Variants in HHEX observed in about 807,000 individuals in gnomAD.
HHEX encodes the protein hematopoietically-expressed homeobox protein HHEX.
Under a neutral mutation model 27.0 loss-of-function variants are expected in HHEX, and 8 were observed. The ratio of observed to expected loss-of-function variants is 0.30; its 90% CI spans 0.17 to 0.54. The LOEUF is 0.54. Ranked by LOEUF, HHEX falls within the 20% of genes least tolerant of loss-of-function variation. The probability of loss-of-function intolerance (pLI) is 0.95; values close to 1 mark genes in which losing one functional copy is unlikely to be tolerated. For synonymous variants in HHEX, 164 were observed against 161.5 expected (o/e 1.02, Z -0.12); for missense variants, 326 against 357.2 (o/e 0.91, Z 0.70).
intron 1 of HHEX, chr10:92,691,478 C>CT (rs1341566683): frequency 1.3e-5 from 2 of 152,230 alleles, no homozygotes; most frequent in Non-Finnish European, 2.9e-5. Context: ...AGCCCTTTAC[C>CT]TTACCTTCTC....
chr10:92,690,079 C>T lies in HHEX; in HGVS notation c.93C>T (p.Pro31=). Residue 31 remains proline (P), a synonymous_variant, in exon 1 of 4, where the codon CCC becomes CCT. Transcript: ENST00000282728. The part of the protein sequence containing the change: ...TPLLQPAHPT[P]FYIEDILGRG... Reference sequence around the variant, plus strand: ...TGCTGCAACCCGCACACCCGACGCCCTTTTACATCGAGGACATCCTGGGCC... The same window carrying T: ...TGCTGCAACCCGCACACCCGACGCCTTTTTACATCGAGGACATCCTGGGCC... 1.3e-6 allele frequency: 2 copies of T among 1,547,192 alleles called. No individual in the cohort carries two copies. The highest frequency in any genetic ancestry group is 1.7e-6 in the Non-Finnish European group (2 of 1,145,664).
intron 3 of HHEX, 70 bp downstream of exon 3, chr10:92,692,822 G>A (rs1845371221): frequency 7.8e-7 from 1 of 1,283,598 alleles, no homozygotes; most frequent in African/African-American, 1.5e-5. Context: ...AGGCTGTTAT[G>A]GGTTGTATGC....
chr10:92,690,660 C>T (rs1490731568), intron 1 of HHEX, among the ~76,000 whole-genome samples: 1 of 152,160 alleles, frequency 6.6e-6, no homozygotes, highest in Non-Finnish European at 1.5e-5. Flanking sequence ...GGGAAAGGGG[C>T]GTCGAGGCGC....
At chr10:92,692,084 CTT>C (rs1192704798) in intron 1 of HHEX, 2 of 276,950 alleles carry the variant, frequency 7.2e-6, no homozygotes, top group Non-Finnish European at 1.4e-5. Context: ...AGTGCCCATT[CTT>C]TTTGGGGTTA....
intron 1 of HHEX, chr10:92,691,608 G>A (rs971037083): frequency 7.9e-5 from 12 of 152,242 alleles, no homozygotes; most frequent in African/African-American, 2.7e-4. Flanking sequence ...CCTGGCTGTG[G>A]TCGCCTGTCG....
At chr10:92,693,857 C>T (rs1845379552) in intron 3 of HHEX, among the ~76,000 whole-genome samples, 1 of 152,126 alleles carries the variant, frequency 6.6e-6, no homozygotes, top group Non-Finnish European at 1.5e-5. Flanking sequence ...CTCTAGTTTA[C>T]CAGAGACCTT....
At chr10:92,691,004 C>G (rs1182837452) in intron 1 of HHEX, among the ~76,000 whole-genome samples, 1 of 152,192 alleles carries the variant, frequency 6.6e-6, no homozygotes, top group Non-Finnish European at 1.5e-5. Context: ...GACTTTATGG[C>G]AGCTAAAATA....
intron 3 of HHEX, among the ~76,000 whole-genome samples, chr10:92,693,716 T>G (rs1229908263): frequency 2.8e-5 from 3 of 106,772 alleles, no homozygotes; most frequent in Non-Finnish European, 6.1e-5. Flanking sequence ...TTGTTGAGAC[T>G]ATAAGGCTTG....
At chr10:92,690,802 A>T (rs1273168454) in intron 1 of HHEX, among the ~76,000 whole-genome samples, 1 of 152,176 alleles carries the variant, frequency 6.6e-6, no homozygotes, top group Non-Finnish European at 1.5e-5. Flanking sequence ...TGAGTTCTCG[A>T]TAGGAGTAAA....
Position 92,690,266 on chromosome 10 carries a change from G to T in HHEX, c.280G>T (p.Gly94Cys). The change falls in exon 1 of 4, where the codon GGC becomes TGC. Residue 94 changes from glycine (G) to cysteine (C), a missense_variant. Gly to Cys is a radical substitution (Grantham distance 159). Transcript: ENST00000282728. ...AAALAAAYGP[G>C]GFGGPLYPFP... Reference sequence around the variant, plus strand: ...CGCGCTGGCCGCTGCCTACGGACCCGGCGGCTTCGGGGGCCCTCTGTACCC... The same window carrying T: ...CGCGCTGGCCGCTGCCTACGGACCCTGCGGCTTCGGGGGCCCTCTGTACCC... 6.4e-7 allele frequency: 1 copy of T among 1,555,892 alleles called. No homozygotes were observed. The highest frequency in any genetic ancestry group is 8.7e-7 in the Non-Finnish European group (1 of 1,150,286).
chr10:92,690,396 T>C, intron 1 of HHEX, 49 bp downstream of exon 1: 1 of 1,393,956 alleles, frequency 7.2e-7, no homozygotes, highest in Non-Finnish European at 9.3e-7. Context: ...ACCCGGCAGG[T>C]GGCAGCGCCC....
In HHEX at chr10:92,695,088, A is replaced by G; in HGVS notation, c.*320A>G. The G allele has an allele frequency of 4.3e-6, 1 of 232,314 alleles. No individual in the cohort carries two copies. Among genetic ancestry groups the G allele is most frequent in the South Asian group, 6.5e-5 (1 of 15,372 alleles). 14.4% of individuals were successfully genotyped at this position (232,314 alleles called of 1,614,324 possible). A position where few individuals can be genotyped will look rare whatever the true frequency, so the allele number is the denominator to read the frequency against. On this transcript the variant is annotated 3_prime_UTR_variant, in exon 4 of 4. Coordinates refer to ENST00000282728, the MANE Select transcript of HHEX (RefSeq NM_002729.5). ...AAATTAATTTTGAACTTTTTGTTAAATTTTTAAGTTATAGCTTTAAAGGTT... is the reference window on the plus strand; with the variant it reads ...AAATTAATTTTGAACTTTTTGTTAAGTTTTTAAGTTATAGCTTTAAAGGTT...
Position 92,690,010 on chromosome 10 carries a change from G to C in HHEX, c.24G>C (p.Pro8=), listed in dbSNP as rs1411051892. The C allele has an allele frequency of 3.4e-6, 5 of 1,472,562 alleles. No homozygotes were observed. In the African/African-American group the frequency reaches 5.9e-5, roughly 17 times the overall value. The allele number at this position is 1,472,562 out of a possible 1,614,324, so 91.2% of individuals were successfully genotyped here. Reference sequence around the variant, plus strand: ...CCATGCAGTACCCGCACCCCGGGCCGGCGGCGGGCGCCGTGGGGGTGCCGC... The same window carrying C: ...CCATGCAGTACCCGCACCCCGGGCCCGCGGCGGGCGCCGTGGGGGTGCCGC... MQYPHPG[P]AAGAVGVPLY... Residue 8 remains proline (P), a synonymous_variant, in exon 1 of 4, where the codon CCG becomes CCC. Transcript: ENST00000282728.
chr10:92,695,199 G>A lies in HHEX; in HGVS notation c.*431G>A, dbSNP rs1252442670. The A allele has an allele frequency of 6.3e-6, 1 of 157,680 alleles. No homozygotes were observed. Among genetic ancestry groups the A allele is most frequent in the African/African-American group, 2.4e-5 (1 of 41,456 alleles). The allele number at this position is 157,680 out of a possible 1,614,324, so 9.8% of individuals were successfully genotyped here. ...GCAAAGGGGTACCCCAAATCCAGAG[G>A]TGCCTACATTTCAGGCAGCCTTGGA... On this transcript the variant is annotated 3_prime_UTR_variant, in exon 4 of 4. Coordinates refer to ENST00000282728, the MANE Select transcript of HHEX (RefSeq NM_002729.5).
chr10:92,694,924 CAAACCT>C lies in HHEX; in HGVS notation c.*158_*163del. On this transcript the variant is annotated 3_prime_UTR_variant, in exon 4 of 4. Transcript: ENST00000282728. Reference sequence around the variant, plus strand: ...AATATTTGGTGCACTGCTCAATTAACAAACCTACATGGAGACCTTAATTTTGACTTA... The same window carrying C: ...AATATTTGGTGCACTGCTCAATTAACACATGGAGACCTTAATTTTGACTTA... 1 of 622,972 alleles carries C rather than the reference CAAACCT, an allele frequency of 1.6e-6. No individual in the cohort carries two copies. Among genetic ancestry groups the C allele is most frequent in the East Asian group, 2.7e-5 (1 of 36,498 alleles). The allele number at this position is 622,972 out of a possible 1,614,324, so 38.6% of individuals were successfully genotyped here.
At chr10:92,691,237 C>G (rs1029028770) in intron 1 of HHEX, among the ~76,000 whole-genome samples, 5 of 152,236 alleles carry the variant, frequency 3.3e-5, no homozygotes, top group Admixed American at 6.5e-5. Context: ...TCCAGAACTT[C>G]GGGGCTTGTC....
rs1178802078 is a variant in HHEX at position 92,692,758 on chromosome 10, G to T, written c.591+6G>T. 6.2e-7 allele frequency: 1 copy of T among 1,607,818 alleles called. No homozygotes were observed. Among genetic ancestry groups the T allele is most frequent in the African/African-American group, 1.3e-5 (1 of 74,916 alleles). On this transcript the variant is annotated splice_donor_region_variant and intron_variant, in intron 3 of 3. Transcript: ENST00000282728. ...AATGGAGGAGACTAAAACAGGTATGGACATGGTTCTGTTTCTATGGAAATA... is the reference window on the plus strand; with the variant it reads ...AATGGAGGAGACTAAAACAGGTATGTACATGGTTCTGTTTCTATGGAAATA...
At position 92,690,146 on chromosome 10, in the gene HHEX, C is replaced by T; in HGVS notation, c.160C>T (p.Pro54Ser). The change falls in exon 1 of 4, where the codon CCC becomes TCC. Residue 54 changes from proline to serine, a missense_variant. Physicochemically the swap from Pro to Ser is moderately conservative, Grantham distance 74 (BLOSUM62 -1). Transcript: ENST00000282728. ...CACGCCCGCCCCCACGCTGCCGTCC[C>T]CCAACTCCTCCTTCACCAGCCTCGT... Reference protein sequence around the residue: ...APTPAPTLPSPNSSFTSLVSP... With the variant: ...APTPAPTLPSSNSSFTSLVSP... 6.4e-7 allele frequency: 1 copy of T among 1,552,538 alleles called. No homozygotes were observed. The highest frequency in any genetic ancestry group is 2.4e-5 in the East Asian group (1 of 41,032).
In HHEX at chr10:92,690,216, C is replaced by T; in HGVS notation, c.230C>T (p.Pro77Leu). ...GTGTACGAGCCCACGCCGATCCATC[C>T]AGCCTTCTCGCACCACTCCGCCGCC... ...TPVYEPTPIH[P>L]AFSHHSAAAL... Residue 77 changes from proline to leucine, a missense_variant, in exon 1 of 4, where the codon CCA becomes CTA. By Grantham distance (98) the Pro-to-Leu change is moderately conservative. This residue lies in a region of HHEX where 215 missense variants were observed against 196.4 expected (regional missense o/e 1.09). Coordinates refer to ENST00000282728, the MANE Select transcript of HHEX (RefSeq NM_002729.5). The T allele has an allele frequency of 6.4e-7, 1 of 1,573,844 alleles. No individual in the cohort carries two copies. Among genetic ancestry groups the T allele is most frequent in the South Asian group, 1.2e-5 (1 of 85,944 alleles).
Sources: gnomAD v4.1 joint callset for allele counts (sites outside exome capture counted in the v4.1 genomes callset) on GRCh38, gnomAD v4.1.1 for gene constraint, gnomAD v4.1.1 regional missense constraint, MANE v1.5 for transcripts, NCBI Gene and HGNC (gene_info 2026-07-23, HGNC 2026-07-21) for gene names.